CGGBP1: variants seen among roughly 807,000 people sequenced by gnomAD.
CGGBP1 encodes CGG triplet repeat-binding protein 1.
CGGBP1 carries 4 observed loss-of-function variants against 11.4 expected under a neutral mutation model. The ratio of observed to expected loss-of-function variants is 0.35; its 90% CI spans 0.17 to 0.80. CGGBP1 has a LOEUF of 0.80. Among genes scored for constraint, CGGBP1 ranks in the 30% least tolerant of loss-of-function variants. The probability of loss-of-function intolerance (pLI) is 0.52; values close to 1 mark genes in which losing one functional copy is unlikely to be tolerated. For missense variants in CGGBP1, 135 were observed against 202.1 expected, an observed-to-expected ratio of 0.67 and a Z score of 2.01; for synonymous variants, 76 against 74.1, an observed-to-expected ratio of 1.03 and a Z score of -0.13.
intron 1 of CGGBP1, among the ~76,000 whole-genome samples, chr3:88,148,095 C>A (rs187505603): frequency 6.6e-6 from 1 of 152,186 alleles, no homozygotes; most frequent in African/African-American, 2.4e-5. Context: ...GCTTCTCCTG[C>A]GGCTCACTCA....
upstream of CGGBP1, among the ~76,000 whole-genome samples, chr3:88,061,371 C>T (rs1254495828): frequency 6.6e-6 from 1 of 152,110 alleles, no homozygotes; most frequent in Non-Finnish European, 1.5e-5. Context: ...TTTATGACTT[C>T]GCTACCTCCT....
chr3:88,083,825 G>A lies in CGGBP1; in HGVS notation c.-228-25602C>T, dbSNP rs1212089453. On this transcript the variant is annotated intron_variant, in intron 2 of 3. Transcript: ENST00000462901. ...CCAAAAAAGAAAAAAAGTGAAAGAT[G>A]TGGTGCTTACTGCCTTGTGGCCTTG... Among the ~76,000 whole-genome samples the A allele has an allele frequency of 3.3e-5, 5 of 152,218 alleles. No homozygotes were observed. In the East Asian group the frequency reaches 9.6e-4, roughly 29 times the overall value.
At chr3:88,060,078 C>G (rs535993228), upstream of CGGBP1, among the ~76,000 whole-genome samples, 4 of 152,184 alleles carry the variant, frequency 2.6e-5, no homozygotes, top group African/African-American at 9.6e-5. Context: ...GATTTAGTTA[C>G]TTTTTTCGGA....
intron 2 of CGGBP1, among the ~76,000 whole-genome samples, chr3:88,109,912 C>A (rs576415353): frequency 7.9e-5 from 12 of 152,118 alleles, no homozygotes; most frequent in African/African-American, 2.6e-4. Flanking sequence ...GGAAAGAAAT[C>A]TTTTGATGAG....
rs184136178 is a variant in CGGBP1 at position 88,073,914 on chromosome 3, C to T, written c.-228-15691G>A. ...ATTTATTTTCTCCTTTTAGTAATGTCTCAGTACTTAAGAGTATACGGCTTT... is the reference window on the plus strand; with the variant it reads ...ATTTATTTTCTCCTTTTAGTAATGTTTCAGTACTTAAGAGTATACGGCTTT... On this transcript the variant is annotated intron_variant, in intron 2 of 3. Coordinates refer to the CGGBP1 transcript ENST00000462901. Among the ~76,000 whole-genome samples the T allele has an allele frequency of 3.9e-5, 6 of 152,186 alleles. No homozygotes were observed. The East Asian group carries it at 7.7e-4, about 20-fold the overall frequency.
chr3:88,092,572 A>C (rs1017467271), intron 2 of CGGBP1, among the ~76,000 whole-genome samples: 2 of 152,194 alleles, frequency 1.3e-5, no homozygotes, highest in African/African-American at 4.8e-5. Flanking sequence ...CAGAATGTTT[A>C]AGGCACCTGG....
At chr3:88,083,787 A>C (rs1708199732) in intron 2 of CGGBP1, among the ~76,000 whole-genome samples, 1 of 152,100 alleles carries the variant, frequency 6.6e-6, no homozygotes, top group Non-Finnish European at 1.5e-5. Context: ...GTTAATGGCA[A>C]CCTACTAGAA....
intron 2 of CGGBP1, among the ~76,000 whole-genome samples, chr3:88,123,532 A>AC (rs1446322236): frequency 4.6e-5 from 7 of 152,158 alleles, no homozygotes; most frequent in African/African-American, 1.7e-4. Flanking sequence ...TTAAATATTC[A>AC]AATTATCAGG....
chr3:88,095,768 CT>C, intron 2 of CGGBP1: 1 of 405,856 alleles, frequency 2.5e-6, no homozygotes, highest in Non-Finnish European at 4.7e-6. Flanking sequence ...TCATCTTAAA[CT>C]TTTTTGTAAA....
intron 2 of CGGBP1, among the ~76,000 whole-genome samples, chr3:88,103,125 A>G (rs993550592): frequency 1.3e-5 from 2 of 152,140 alleles, no homozygotes; most frequent in Non-Finnish European, 2.9e-5. Flanking sequence ...ATGGCCTTAT[A>G]TAATGAAGCC....
At chr3:88,103,677 G>A (rs1164878092) in intron 2 of CGGBP1, among the ~76,000 whole-genome samples, 1 of 151,682 alleles carries the variant, frequency 6.6e-6, no homozygotes, top group Admixed American at 6.6e-5. Flanking sequence ...TGAAGATAAT[G>A]TGTAGCGGAC....
chr3:88,124,651 G>GT (rs890440587), intron 2 of CGGBP1, among the ~76,000 whole-genome samples: 3 of 151,980 alleles, frequency 2.0e-5, no homozygotes, highest in Non-Finnish European at 4.4e-5. Flanking sequence ...CTGAAAATAT[G>GT]TTTTTTTAAA....
intron 2 of CGGBP1, chr3:88,112,983 G>A (rs1251686707): frequency 1.7e-6 from 1 of 586,574 alleles, no homozygotes. Flanking sequence ...GAATTCTAGT[G>A]TTCAGTACAA....
chr3:88,091,475 T>G (rs565571837), intron 2 of CGGBP1, among the ~76,000 whole-genome samples: 79 of 152,302 alleles, frequency 5.2e-4, no homozygotes, highest in Non-Finnish European at 6.5e-4. Flanking sequence ...CTCTTTCATC[T>G]ATATAATCTT....
intron 2 of CGGBP1, among the ~76,000 whole-genome samples, chr3:88,075,749 C>G (rs549181883): frequency 4.4e-4 from 67 of 152,194 alleles, no homozygotes; most frequent in African/African-American, 1.5e-3. Flanking sequence ...CCTCGCCTAT[C>G]TTCCTTTTTT....
At chr3:88,140,192 A>G in intron 2 of CGGBP1, 2 of 1,613,824 alleles carry the variant, frequency 1.2e-6, no homozygotes, top group Non-Finnish European at 1.7e-6. Flanking sequence ...GTCACAGGAT[A>G]TTTCAGGCTC....
intron 2 of CGGBP1, among the ~76,000 whole-genome samples, chr3:88,069,663 C>G (rs1360061289): frequency 6.6e-6 from 1 of 152,166 alleles, no homozygotes; most frequent in African/African-American, 2.4e-5. Context: ...GAGAGTCTTT[C>G]AGTTATTTTT....
chr3:88,109,878 A>G (rs1704985394), intron 2 of CGGBP1, among the ~76,000 whole-genome samples: 1 of 152,192 alleles, frequency 6.6e-6, no homozygotes, highest in Admixed American at 6.5e-5. Context: ...ACTGCTAAAT[A>G]TTATGATACA....
chr3:88,120,716 G>A (rs1705716167), intron 2 of CGGBP1, among the ~76,000 whole-genome samples: 1 of 152,178 alleles, frequency 6.6e-6, no homozygotes, highest in Middle Eastern at 3.4e-3. Flanking sequence ...TTACGCACAT[G>A]TACTCATACT....
Sources: allele counts gnomAD v4.1 joint callset (sites outside exome capture counted in the v4.1 genomes callset), GRCh38; gene constraint gnomAD v4.1.1; transcripts MANE v1.5; gene names NCBI Gene and HGNC (gene_info 2026-07-23, HGNC 2026-07-21).